The following KCNJ3 variants were observed in gnomAD, a reference collection of about 807,000 sequenced individuals.
KCNJ3 encodes the protein G protein-activated inward rectifier potassium channel 1.
KCNJ3 carries 4 observed loss-of-function variants against 39.2 expected under a neutral mutation model. That is an observed-to-expected ratio of 0.10 (90% confidence interval 0.05 to 0.23). The LOEUF (loss-of-function observed/expected upper bound fraction) is 0.23. Among genes scored for constraint, KCNJ3 ranks in the 10% least tolerant of loss-of-function variants. The probability of loss-of-function intolerance (pLI) is 1.00; values close to 1 mark genes in which losing one functional copy is unlikely to be tolerated. For synonymous variants in KCNJ3, 230 were observed against 237.4 expected (o/e 0.97, Z 0.29); for missense variants, 276 against 634.9 (o/e 0.43, Z 6.08).
In KCNJ3 at chr2:154,715,415, T is replaced by C. The variant is rs145510809; in HGVS notation, c.919+5596T>C. On this transcript the variant is annotated intron_variant, in intron 2 of 2. Coordinates refer to ENST00000295101, the MANE Select transcript of KCNJ3 (RefSeq NM_002239.4). ...TCACTCTTGCCTCCCATATTTGTGA[T>C]CATGTCATTTTTCACTGCCTAGGAT... 7.9e-5 allele frequency among the ~76,000 whole-genome samples: 12 copies of C among 152,318 alleles called. No homozygotes were observed. The East Asian group carries it at 2.3e-3, about 29-fold the overall frequency.
At chr2:154,826,548 G>C (rs918942346) in intron 2 of KCNJ3, among the ~76,000 whole-genome samples, 1 of 152,172 alleles carries the variant, frequency 6.6e-6, no homozygotes, top group Admixed American at 6.5e-5. Context: ...ACTAAAAATT[G>C]TCATTAAAAT....
At chr2:154,835,788 C>T (rs1290783771) in intron 2 of KCNJ3, among the ~76,000 whole-genome samples, 1 of 151,988 alleles carries the variant, frequency 6.6e-6, no homozygotes, top group Non-Finnish European at 1.5e-5. Flanking sequence ...TTATATCTTA[C>T]TATCATTCAT....
intron 2 of KCNJ3, among the ~76,000 whole-genome samples, chr2:154,758,900 A>G (rs1685987641): frequency 6.6e-6 from 1 of 152,178 alleles, no homozygotes; most frequent in African/African-American, 2.4e-5. Flanking sequence ...ATTTGTCTTG[A>G]CAGCTCTTTT....
At chr2:154,787,665 T>A (rs996647252) in intron 2 of KCNJ3, among the ~76,000 whole-genome samples, 1 of 151,876 alleles carries the variant, frequency 6.6e-6, no homozygotes, top group African/African-American at 2.4e-5. Context: ...GAGTTAGATG[T>A]AGATAATTTG....
At chr2:154,839,497 G>T (rs997540950) in intron 2 of KCNJ3, among the ~76,000 whole-genome samples, 3 of 152,160 alleles carry the variant, frequency 2.0e-5, no homozygotes, top group African/African-American at 2.4e-5. Context: ...CTAGATCCTT[G>T]AGAAATTGCC....
chr2:154,718,690 A>C (rs776768549), intron 2 of KCNJ3, among the ~76,000 whole-genome samples: 14 of 152,220 alleles, frequency 9.2e-5, no homozygotes, highest in Non-Finnish European at 2.1e-4. Context: ...AAAATACGTA[A>C]AAAGAATATT....
chr2:154,821,406 T>C (rs1329065908), intron 2 of KCNJ3, among the ~76,000 whole-genome samples: 6 of 152,168 alleles, frequency 3.9e-5, no homozygotes, highest in Admixed American at 3.3e-4. Context: ...ACTACGAAGT[T>C]TGAAGGTAGG....
chr2:154,778,911 A>G (rs375539263), intron 2 of KCNJ3, among the ~76,000 whole-genome samples: 29 of 152,218 alleles, frequency 1.9e-4, no homozygotes, highest in East Asian at 1.2e-3. Context: ...TTTTTACGTT[A>G]GCACCAAAGG....
intron 2 of KCNJ3, among the ~76,000 whole-genome samples, chr2:154,849,357 G>GTTTGA (rs1322901928): frequency 6.6e-6 from 1 of 151,970 alleles, no homozygotes; most frequent in African/African-American, 2.4e-5. Flanking sequence ...TTTTGCTTTT[G>GTTTGA]TTTGATGTAC....
At chr2:154,833,928 CCTA>C (rs1331155354) in intron 2 of KCNJ3, among the ~76,000 whole-genome samples, 3 of 152,030 alleles carry the variant, frequency 2.0e-5, no homozygotes, top group Admixed American at 6.6e-5. Context: ...CAGTCTGTCT[CCTA>C]CTGAAGGCAT....
At chr2:154,815,298 T>C (rs899481757) in intron 2 of KCNJ3, among the ~76,000 whole-genome samples, 4 of 152,198 alleles carry the variant, frequency 2.6e-5, no homozygotes, top group Non-Finnish European at 4.4e-5. Context: ...AATTCAGGTA[T>C]AGACAATACT....
chr2:154,783,304 G>GT (rs1317575449), intron 2 of KCNJ3, among the ~76,000 whole-genome samples: 1 of 152,192 alleles, frequency 6.6e-6, no homozygotes, highest in African/African-American at 2.4e-5. Flanking sequence ...TGCTTCTTCC[G>GT]TGCATTTTGC....
chr2:154,721,429 G>A (rs1406725786), intron 2 of KCNJ3, among the ~76,000 whole-genome samples: 2 of 152,104 alleles, frequency 1.3e-5, no homozygotes, highest in Non-Finnish European at 2.9e-5. Flanking sequence ...GTAACAGAGA[G>A]CTCTCCTGGG....
At chr2:154,819,283 A>C (rs910277296) in intron 2 of KCNJ3, among the ~76,000 whole-genome samples, 4 of 152,132 alleles carry the variant, frequency 2.6e-5, no homozygotes, top group Admixed American at 6.6e-5. Flanking sequence ...ACTTTTAAAA[A>C]ACTTTTTATT....
At chr2:154,759,018 AGTTTC>A (rs753778980) in intron 2 of KCNJ3, among the ~76,000 whole-genome samples, 33 of 152,212 alleles carry the variant, frequency 2.2e-4, no homozygotes, top group Non-Finnish European at 3.2e-4. Flanking sequence ...CAGAAAAACA[AGTTTC>A]ATAAGCAAAG....
chr2:154,785,513 G>A (rs755029706), intron 2 of KCNJ3, among the ~76,000 whole-genome samples: 14 of 152,158 alleles, frequency 9.2e-5, no homozygotes, highest in African/African-American at 2.7e-4. Flanking sequence ...CCACTCTCAC[G>A]GGTGAATTAA....
At chr2:154,845,957 G>A (rs76823878) in intron 2 of KCNJ3, among the ~76,000 whole-genome samples, 2,228 of 144,584 alleles carry the variant, frequency 0.015, 62 homozygotes, top group African/African-American at 0.053. Context: ...GCGTCACAGC[G>A]AGACTCTGTC....
intron 1 of KCNJ3, among the ~76,000 whole-genome samples, chr2:154,708,561 AT>A (rs1250417734): frequency 4.6e-5 from 7 of 151,770 alleles, no homozygotes; most frequent in African/African-American, 1.7e-4. Flanking sequence ...CCTTCCCCCC[AT>A]TTTTTTCTGT....
intron 2 of KCNJ3, among the ~76,000 whole-genome samples, chr2:154,802,648 C>T (rs1686839507): frequency 6.6e-6 from 1 of 152,118 alleles, no homozygotes; most frequent in African/African-American, 2.4e-5. Context: ...TCCCAGTTCT[C>T]TTTCATATAC....
Sources: allele counts gnomAD v4.1 joint callset (sites outside exome capture counted in the v4.1 genomes callset), GRCh38; gene constraint gnomAD v4.1.1; transcripts MANE v1.5; gene names NCBI Gene and HGNC (gene_info 2026-07-23, HGNC 2026-07-21).